The following UNC5D variants were observed in gnomAD, a reference collection of about 807,000 sequenced individuals.
The protein encoded by UNC5D is unc-5 netrin receptor D, also known as netrin receptor UNC5D.
In UNC5D, 39 loss-of-function variants were observed where a neutral mutation model predicts 105.4. The ratio of observed to expected loss-of-function variants is 0.37; its 90% CI spans 0.29 to 0.48. UNC5D has a LOEUF of 0.48. Ranked by LOEUF, UNC5D falls within the 20% of genes least tolerant of loss-of-function variation. The probability of loss-of-function intolerance (pLI) is 0.98; values close to 1 mark genes in which losing one functional copy is unlikely to be tolerated. For missense variants in UNC5D, 991 were observed against 1,202.4 expected, an observed-to-expected ratio of 0.82 and a Z score of 2.60; for synonymous variants, 452 against 450.4, an observed-to-expected ratio of 1.00 and a Z score of -0.04.
At position 35,236,011 on chromosome 8, in the gene UNC5D, C is replaced by T. The variant is rs1250800470; in HGVS notation, c.103+124C>T. ...GCCCTGCACCTCGGCGCTCCAAGCC[C>T]AACCGGATGGGAGCCGAGTGGAGGA... On this transcript the variant is annotated intron_variant, in intron 1 of 16. Transcript: ENST00000404895. 1.5e-5 allele frequency: 13 copies of T among 867,746 alleles called. No individual in the cohort carries two copies. In the East Asian group the frequency reaches 3.5e-4, roughly 23 times the overall value. The allele number at this position is 867,746 out of a possible 1,614,324, so 53.8% of individuals were successfully genotyped here.
At chr8:35,639,693 G>C (rs942044892) in intron 4 of UNC5D, among the ~76,000 whole-genome samples, 5 of 152,096 alleles carry the variant, frequency 3.3e-5, no homozygotes, top group African/African-American at 1.2e-4. Flanking sequence ...GTAGGGAGCA[G>C]TGGGAGAAAA....
chr8:35,253,132 G>T (rs1429332593), intron 1 of UNC5D, among the ~76,000 whole-genome samples: 1 of 151,916 alleles, frequency 6.6e-6, no homozygotes, highest in Non-Finnish European at 1.5e-5. Context: ...GCGTGTGTGT[G>T]TATCTCCTTA....
intron 1 of UNC5D, among the ~76,000 whole-genome samples, chr8:35,533,264 C>A (rs1814545323): frequency 6.6e-6 from 1 of 152,144 alleles, no homozygotes; most frequent in Non-Finnish European, 1.5e-5. Context: ...TTCCTTCTAA[C>A]AGACAGGACC....
chr8:35,291,170 AAAC>A (rs1358033815), intron 1 of UNC5D, among the ~76,000 whole-genome samples: 1 of 152,058 alleles, frequency 6.6e-6, no homozygotes, highest in African/African-American at 2.4e-5. Context: ...ACAACAACAA[AAAC>A]AACAAGATCT....
intron 1 of UNC5D, among the ~76,000 whole-genome samples, chr8:35,389,991 A>G (rs1239808338): frequency 6.6e-6 from 1 of 152,176 alleles, no homozygotes; most frequent in Admixed American, 6.5e-5. Context: ...TAAAGAAAAG[A>G]GCTTTAATTC....
At chr8:35,555,687 G>A (rs138713362) in intron 2 of UNC5D, among the ~76,000 whole-genome samples, 3,669 of 151,840 alleles carry the variant, frequency 0.024, 89 homozygotes, top group African/African-American at 0.069. Flanking sequence ...TTAGCTGGCC[G>A]TGGTGGCGCA....
intron 1 of UNC5D, among the ~76,000 whole-genome samples, chr8:35,502,844 C>T (rs1326464929): frequency 3.9e-5 from 6 of 152,088 alleles, no homozygotes; most frequent in South Asian, 2.1e-4. Context: ...GGATTACAGG[C>T]GTGAGCCACC....
intron 11 of UNC5D, among the ~76,000 whole-genome samples, chr8:35,745,097 G>C (rs1302213031): frequency 6.6e-6 from 1 of 152,006 alleles, no homozygotes; most frequent in African/African-American, 2.4e-5. Flanking sequence ...TTACATTCTA[G>C]TTTGTGGGAC....
At chr8:35,370,622 T>C (rs767127442) in intron 1 of UNC5D, among the ~76,000 whole-genome samples, 1 of 151,956 alleles carries the variant, frequency 6.6e-6, no homozygotes, top group Non-Finnish European at 1.5e-5. Context: ...CTGTTAGCTA[T>C]AGAAAAAAAA....
intron 1 of UNC5D, among the ~76,000 whole-genome samples, chr8:35,282,212 C>CAT (rs1806236615): frequency 6.6e-6 from 1 of 152,186 alleles, no homozygotes; most frequent in Non-Finnish European, 1.5e-5. Context: ...TTGATGGCAC[C>CAT]ATAGCATCGA....
intron 8 of UNC5D, among the ~76,000 whole-genome samples, chr8:35,721,117 G>A (rs2131531641): frequency 6.6e-6 from 1 of 152,202 alleles, no homozygotes; most frequent in East Asian, 1.9e-4. Flanking sequence ...TATCCTCTAA[G>A]CCCAACACAG....
chr8:35,644,611 G>A (rs557722592), intron 4 of UNC5D, among the ~76,000 whole-genome samples: 1 of 152,116 alleles, frequency 6.6e-6, no homozygotes, highest in Non-Finnish European at 1.5e-5. Context: ...AATAACTGAG[G>A]GAACACTCAG....
At chr8:35,660,621 C>CG (rs1004880011) in intron 4 of UNC5D, among the ~76,000 whole-genome samples, 3 of 151,888 alleles carry the variant, frequency 2.0e-5, no homozygotes, top group Admixed American at 1.3e-4. Flanking sequence ...ACACGGGAAA[C>CG]GGGAAAAAAG....
intron 4 of UNC5D, among the ~76,000 whole-genome samples, chr8:35,632,093 A>G (rs1822077140): frequency 6.6e-6 from 1 of 152,202 alleles, no homozygotes; most frequent in Admixed American, 6.5e-5. Context: ...AATCTATTGC[A>G]TTTCAACAGA....
intron 16 of UNC5D, among the ~76,000 whole-genome samples, chr8:35,783,706 C>G (rs540344252): frequency 4.6e-5 from 7 of 152,240 alleles, no homozygotes; most frequent in African/African-American, 1.7e-4. Flanking sequence ...TTTGAATACT[C>G]AGGGATTTGG....
chr8:35,390,805 T>C (rs946744683), intron 1 of UNC5D, among the ~76,000 whole-genome samples: 1 of 152,234 alleles, frequency 6.6e-6, no homozygotes, highest in African/African-American at 2.4e-5. Flanking sequence ...TTGGATATAA[T>C]GGATTATAAC....
chr8:35,239,987 G>A (rs1414179125), intron 1 of UNC5D, among the ~76,000 whole-genome samples: 16 of 151,410 alleles, frequency 1.1e-4, no homozygotes, highest in Admixed American at 9.9e-4. Context: ...CCAGGCAGGA[G>A]TGCAGTGGTG....
At chr8:35,712,784 G>A (rs887423921) in intron 8 of UNC5D, among the ~76,000 whole-genome samples, 2 of 152,160 alleles carry the variant, frequency 1.3e-5, no homozygotes, top group African/African-American at 4.8e-5. Context: ...AACTGTCTGT[G>A]TCTTTGGTCA....
chr8:35,247,021 G>A (rs1342331566), intron 1 of UNC5D, among the ~76,000 whole-genome samples: 1 of 151,968 alleles, frequency 6.6e-6, no homozygotes, highest in Non-Finnish European at 1.5e-5. Flanking sequence ...GAGGAGTGAA[G>A]TTGCTTGCTT....
Sources: allele counts gnomAD v4.1 joint callset (sites outside exome capture counted in the v4.1 genomes callset), GRCh38; gene constraint gnomAD v4.1.1; transcripts MANE v1.5; gene names NCBI Gene and HGNC (gene_info 2026-07-23, HGNC 2026-07-21).